The following ARHGEF3 variants were observed in gnomAD, a reference collection of about 807,000 sequenced individuals.
ARHGEF3 encodes 59.8 kDA protein.
ARHGEF3 carries 28 observed loss-of-function variants against 63.2 expected under a neutral mutation model. The ratio of observed to expected loss-of-function variants is 0.44; its 90% CI spans 0.33 to 0.61. The LOEUF is 0.61. Among genes scored for constraint, ARHGEF3 ranks in the 20% least tolerant of loss-of-function variants. The pLI, the probability that ARHGEF3 is intolerant of heterozygous loss-of-function variation, is 0.03. For synonymous variants in ARHGEF3, 266 were observed against 254.2 expected, an observed-to-expected ratio of 1.05 and a Z score of -0.44; for missense variants, 533 against 659.3, an observed-to-expected ratio of 0.81 and a Z score of 2.10.
rs559506444 is a variant in ARHGEF3, at chr3:57,049,396, A to G, written c.-27-14220T>C. ...ATAAATAAACAAATAAGAAAAAAATATAATAAAATTAAAATCCCTCCCAGG... is the reference window on the plus strand; with the variant it reads ...ATAAATAAACAAATAAGAAAAAAATGTAATAAAATTAAAATCCCTCCCAGG... On this transcript the variant is annotated intron_variant, in intron 1 of 12. Transcript: ENST00000338458. 6.5e-4 allele frequency among the ~76,000 whole-genome samples: 99 copies of G among 152,168 alleles called. 3 individuals carry two copies. In the South Asian group the frequency reaches 0.019, roughly 29 times the overall value.
chr3:56,847,614 G>A (rs2108132574), intron 4 of ARHGEF3, among the ~76,000 whole-genome samples: 1 of 152,260 alleles, frequency 6.6e-6, no homozygotes, highest in Non-Finnish European at 1.5e-5. Context: ...TCTCAATCTT[G>A]TAGCCCAGGC....
At chr3:56,738,995 T>G (rs1485439986) in intron 7 of ARHGEF3, among the ~76,000 whole-genome samples, 1 of 151,948 alleles carries the variant, frequency 6.6e-6, no homozygotes, top group Non-Finnish European at 1.5e-5. Context: ...CTTGGGAGGC[T>G]GAGGTGGGAA....
intron 4 of ARHGEF3, among the ~76,000 whole-genome samples, chr3:56,852,606 A>T (rs2039717428): frequency 6.6e-6 from 1 of 152,174 alleles, no homozygotes; most frequent in South Asian, 2.1e-4. Flanking sequence ...CTTTCTCCTT[A>T]TCTCTACAGA....
intron 4 of ARHGEF3, among the ~76,000 whole-genome samples, chr3:56,846,344 C>T (rs1177087355): frequency 1.3e-5 from 2 of 152,158 alleles, no homozygotes; most frequent in South Asian, 2.1e-4. Flanking sequence ...AACTCCAGAT[C>T]ATGGTCTTAT....
At chr3:56,897,883 G>A (rs1437021469) in intron 3 of ARHGEF3, among the ~76,000 whole-genome samples, 1 of 151,824 alleles carries the variant, frequency 6.6e-6, no homozygotes. Context: ...ATTTATTTAT[G>A]TATTTTTTAT....
intron 1 of ARHGEF3, among the ~76,000 whole-genome samples, chr3:57,072,909 A>G (rs974584310): frequency 1.8e-4 from 27 of 150,994 alleles, no homozygotes; most frequent in African/African-American, 6.6e-4. Flanking sequence ...AGCAAGGCGC[A>G]GTGGCAGGCG....
intron 2 of ARHGEF3, among the ~76,000 whole-genome samples, chr3:56,987,406 T>C (rs1701585138): frequency 6.6e-6 from 1 of 152,124 alleles, no homozygotes; most frequent in African/African-American, 2.4e-5. Context: ...GCACCAGCAC[T>C]GGGCTGAGCT....
At chr3:56,745,569 G>A (rs2034327430) in intron 6 of ARHGEF3, 107 bp from the exon 7 acceptor site, 2 of 1,323,102 alleles carry the variant, frequency 1.5e-6, no homozygotes, top group African/African-American at 1.5e-5. Flanking sequence ...TGGTCTCTGG[G>A]TCTGGCTGAC....
intron 3 of ARHGEF3, among the ~76,000 whole-genome samples, chr3:56,896,715 T>C (rs768276916): frequency 2.0e-5 from 3 of 152,250 alleles, no homozygotes; most frequent in Non-Finnish European, 2.9e-5. Context: ...CTAGATGTTT[T>C]TTCATGATTA....
intron 3 of ARHGEF3, among the ~76,000 whole-genome samples, chr3:56,927,109 C>A (rs1160467118): frequency 6.6e-6 from 1 of 152,230 alleles, no homozygotes; most frequent in East Asian, 1.9e-4. Flanking sequence ...CCAGTGCTGT[C>A]ACTTAATGCG....
chr3:56,732,418 G>A lies in ARHGEF3; in HGVS notation c.1048C>T (p.His350Tyr). ...ELKNNRGVKL[H>Y]VFLFQEVLVI... ...AGCACTTCTTGGAACAGGAAAACAT[G>A]CAGTTTCTAGAAGAAAAAAATCCAC... is the stretch of plus-strand genomic sequence containing the variant. Residue 350 changes from histidine (H) to tyrosine (Y), a missense_variant, in exon 9 of 10, where the codon CAT becomes TAT. His to Tyr is a moderately conservative substitution (Grantham distance 83, BLOSUM62 2). Transcript: ENST00000296315. 6.2e-7 allele frequency: 1 copy of A among 1,614,184 alleles called. No individual in the cohort carries two copies. Among genetic ancestry groups the A allele is most frequent in the Non-Finnish European group, 8.5e-7 (1 of 1,180,032 alleles).
At chr3:56,742,702 G>A (rs1296233060) in intron 7 of ARHGEF3, among the ~76,000 whole-genome samples, 2 of 152,164 alleles carry the variant, frequency 1.3e-5, no homozygotes, top group Non-Finnish European at 1.5e-5. Context: ...TACTGTGTAA[G>A]TAGGCATTTG....
At chr3:56,909,273 G>A (rs1367102257) in intron 3 of ARHGEF3, among the ~76,000 whole-genome samples, 1 of 152,224 alleles carries the variant, frequency 6.6e-6, no homozygotes. Context: ...TAGTGATGTA[G>A]TGAAACTATG....
At chr3:56,811,974 G>A (rs1490003336) in intron 4 of ARHGEF3, among the ~76,000 whole-genome samples, 1 of 152,142 alleles carries the variant, frequency 6.6e-6, no homozygotes, top group African/African-American at 2.4e-5. Context: ...CTGATTTTAT[G>A]TCTGTCTCCA....
chr3:56,880,477 A>AT (rs11412364), intron 4 of ARHGEF3, among the ~76,000 whole-genome samples: 114,102 of 151,998 alleles, frequency 0.75, 43,992 homozygotes, highest in East Asian at 0.89. Context: ...TGGTTCTTCG[A>AT]TAGAAAGCAT....
At chr3:56,753,748 G>A (rs1283243878) in intron 3 of ARHGEF3, among the ~76,000 whole-genome samples, 182 bp from the exon 4 acceptor site, 1 of 152,180 alleles carries the variant, frequency 6.6e-6, no homozygotes, top group Non-Finnish European at 1.5e-5. Flanking sequence ...CAAAACTGCT[G>A]CATATTGTGC....
chr3:57,067,643 T>C (rs1327496561), intron 1 of ARHGEF3, among the ~76,000 whole-genome samples: 2 of 150,778 alleles, frequency 1.3e-5, no homozygotes, highest in African/African-American at 4.9e-5. Context: ...GAGACCAGCC[T>C]GGGTAATACA....
rs1340969854 is a variant in ARHGEF3 at position 57,054,321 on chromosome 3, CT to C, written c.-27-19146del. On this transcript the variant is annotated intron_variant, in intron 1 of 12. Transcript: ENST00000338458. ...ATTTTGATGATATGCTTGCTCAAGT[CT>C]TTTATCCTTTTAAAATTGGGTTGTC... Among the ~76,000 whole-genome samples the C allele has an allele frequency of 3.9e-5, 6 of 152,120 alleles. No individual in the cohort carries two copies. The East Asian group carries it at 1.2e-3, about 30-fold the overall frequency.
chr3:56,932,035 C>T (rs895609992), intron 3 of ARHGEF3, among the ~76,000 whole-genome samples: 3 of 152,162 alleles, frequency 2.0e-5, no homozygotes, highest in Non-Finnish European at 2.9e-5. Context: ...ACATTTGAAA[C>T]TCCTCCACAA....
Sources: allele counts gnomAD v4.1 joint callset (sites outside exome capture counted in the v4.1 genomes callset), GRCh38; gene constraint gnomAD v4.1.1; transcripts MANE v1.5; gene names NCBI Gene and HGNC (gene_info 2026-07-23, HGNC 2026-07-21).